Variants in KIF6 observed in about 807,000 individuals in gnomAD.
KIF6 encodes kinesin-like protein KIF6.
KIF6 carries 106 observed loss-of-function variants against 112.7 expected under a neutral mutation model. That is an observed-to-expected ratio of 0.94 (90% CI 0.80 to 1.11). The LOEUF (loss-of-function observed/expected upper bound fraction) is 1.11, where lower values mean the gene tolerates loss of function less well. Ranked by LOEUF, KIF6 falls within the 50% of genes least tolerant of loss-of-function variation. The pLI is 0.00. For missense variants in KIF6, 929 were observed against 964.0 expected, an observed-to-expected ratio of 0.96 and a Z score of 0.48; for synonymous variants, 339 against 339.9, an observed-to-expected ratio of 1.00 and a Z score of 0.03.
chr6:39,420,027 TGTA>T, intron 14 of KIF6, 24 bp from the exon 15 acceptor site: 1 of 1,576,078 alleles, frequency 6.3e-7, no homozygotes, highest in East Asian at 2.2e-5. Context: ...AAATGAAAAT[TGTA>T]GTTTTTCTGT....
Position 39,343,542 on chromosome 6 carries a change from C to G in KIF6, c.2428+167G>C. The stretch of plus-strand genomic sequence containing the variant: ...TTCTGATGCTGCCCCTTGAGGCTTT[C>G]TCGAGAAGGAATCAGAGGCTGGGCA... On this transcript the variant is annotated intron_variant, in intron 22 of 22. Transcript: ENST00000287152. The surrounding 1 kb of genome is among the most constrained non-coding windows in gnomAD (Gnocchi z 4.1). 7.2e-7 allele frequency: 1 copy of G among 1,385,278 alleles called. No individual in the cohort carries two copies. Among genetic ancestry groups the G allele is most frequent in the Non-Finnish European group, 9.7e-7 (1 of 1,026,236 alleles). The allele number at this position is 1,385,278 out of a possible 1,614,324, so 85.8% of individuals were successfully genotyped here.
At chr6:39,677,526 T>C in intron 3 of KIF6, among the ~76,000 whole-genome samples, 1 of 151,182 alleles carries the variant, frequency 6.6e-6, no homozygotes, top group Non-Finnish European at 1.5e-5. Flanking sequence ...TTTATTTATT[T>C]ATTTATTTAT....
At chr6:39,512,312 G>T (rs1776830253) in intron 13 of KIF6, among the ~76,000 whole-genome samples, 1 of 152,094 alleles carries the variant, frequency 6.6e-6, no homozygotes, top group Non-Finnish European at 1.5e-5. Context: ...TGTTTTAATT[G>T]CTGTCCTTTG....
At chr6:39,385,497 C>T in intron 16 of KIF6, 125 bp downstream of exon 16, 1 of 766,626 alleles carries the variant, frequency 1.3e-6, no homozygotes, top group South Asian at 1.6e-5. Context: ...TGGATAGCAA[C>T]CCTTGCCATC....
Position 39,720,793 on chromosome 6 carries a change from C to T in KIF6, c.85G>A (p.Asp29Asn). The change falls in exon 2 of 23, where the codon GAT becomes AAT. Residue 29 changes from aspartate (D) to asparagine (N), a missense_variant. Transcript: ENST00000287152. The stretch of plus-strand genomic sequence containing the variant: ...TCCAAGCTAGGTATTAATTTTTCAT[C>T]TTCATCTATGGAATAAATCTGCAAA... Reference protein sequence around the residue: ...HQQGIYSIDEDEKLIPSLEII... With the variant: ...HQQGIYSIDENEKLIPSLEII... 6.3e-7 allele frequency: 1 copy of T among 1,575,914 alleles called. No individual in the cohort carries two copies. Among genetic ancestry groups the T allele is most frequent in the Non-Finnish European group, 8.7e-7 (1 of 1,145,364 alleles).
intron 6 of KIF6, among the ~76,000 whole-genome samples, chr6:39,608,595 A>T (rs1428434522): frequency 6.6e-6 from 1 of 152,232 alleles, no homozygotes; most frequent in Non-Finnish European, 1.5e-5. Flanking sequence ...GCAAAGAATT[A>T]GGTATAAAGA....
intron 13 of KIF6, among the ~76,000 whole-genome samples, chr6:39,439,720 A>G (rs1771793832): frequency 1.3e-5 from 2 of 152,058 alleles, no homozygotes; most frequent in South Asian, 4.2e-4. Flanking sequence ...TCAACCTGAA[A>G]TTCAGTTCCT....
chr6:39,651,924 C>T (rs1785492107), intron 3 of KIF6, among the ~76,000 whole-genome samples: 2 of 152,028 alleles, frequency 1.3e-5, no homozygotes, highest in South Asian at 4.2e-4. Context: ...GAAAAAGGAA[C>T]AGAAAAGACT....
chr6:39,705,678 A>G (rs964669027), intron 3 of KIF6, among the ~76,000 whole-genome samples: 2 of 152,230 alleles, frequency 1.3e-5, no homozygotes, highest in Non-Finnish European at 2.9e-5. Flanking sequence ...ACACCCCAGA[A>G]GCAGCCTTCA....
intron 13 of KIF6, among the ~76,000 whole-genome samples, chr6:39,460,362 C>T (rs9471111): frequency 0.3 from 23,763 of 80,076 alleles, 4,221 homozygotes; most frequent in African/African-American, 0.56. Flanking sequence ...TATCACACTC[C>T]GGGGACTGTG....
At chr6:39,513,141 GC>G (rs1157805470) in intron 13 of KIF6, among the ~76,000 whole-genome samples, 43 of 152,244 alleles carry the variant, frequency 2.8e-4, no homozygotes, top group African/African-American at 1.0e-3. Context: ...CTGGCCTTCT[GC>G]TAGTGTTCCC....
chr6:39,658,295 G>A, intron 3 of KIF6, among the ~76,000 whole-genome samples: 1 of 152,138 alleles, frequency 6.6e-6, no homozygotes, highest in Non-Finnish European at 1.5e-5. Context: ...AGTTGGAACT[G>A]AGCCTATTTC....
At chr6:39,576,977 A>G (rs1357517890) in intron 10 of KIF6, among the ~76,000 whole-genome samples, 1 of 152,248 alleles carries the variant, frequency 6.6e-6, no homozygotes, top group Non-Finnish European at 1.5e-5. Flanking sequence ...CACCATAGTG[A>G]AGATAGTTTG....
intron 13 of KIF6, among the ~76,000 whole-genome samples, chr6:39,495,601 G>C (rs1426136439): frequency 6.6e-6 from 1 of 152,176 alleles, no homozygotes; most frequent in Non-Finnish European, 1.5e-5. Flanking sequence ...AAAGAGGTGG[G>C]GTGGTGCTAT....
chr6:39,543,180 T>C (rs1561793552), intron 12 of KIF6, among the ~76,000 whole-genome samples: 1 of 152,128 alleles, frequency 6.6e-6, no homozygotes, highest in Non-Finnish European at 1.5e-5. Flanking sequence ...ATTAAGAAGT[T>C]GGTAGGAGTA....
chr6:39,581,161 CTTTTTTTTT>C (rs60321520), intron 9 of KIF6, among the ~76,000 whole-genome samples: 139 of 78,678 alleles, frequency 1.8e-3, no homozygotes, highest in Non-Finnish European at 3.0e-3. Context: ...GCTTTACTTT[CTTTTTTTTT>C]TTTTTTTTTT....
Position 39,393,264 on chromosome 6 carries a change from G to T in KIF6, c.1811-7592C>A, listed in dbSNP as rs539452802. 6.6e-5 allele frequency among the ~76,000 whole-genome samples: 10 copies of T among 152,340 alleles called. No homozygotes were observed. In the South Asian group the frequency reaches 2.1e-3, roughly 32 times the overall value. ...AAGAACTCAACTGAGGCAGCCAAGC[G>T]TGGAGGGTGAGTGCGTGGACTCTGG... On this transcript the variant is annotated intron_variant, in intron 15 of 22. Transcript: ENST00000287152.
intron 15 of KIF6, among the ~76,000 whole-genome samples, chr6:39,410,079 C>T (rs765869311): frequency 6.6e-6 from 1 of 152,192 alleles, no homozygotes; most frequent in Non-Finnish European, 1.5e-5. Flanking sequence ...TAGAGAGTGC[C>T]GAGAGGGCCT....
chr6:39,504,640 CT>C (rs1435344106), intron 13 of KIF6, among the ~76,000 whole-genome samples: 1 of 152,190 alleles, frequency 6.6e-6, no homozygotes, highest in Admixed American at 6.5e-5. Flanking sequence ...TGGTAAGCAA[CT>C]TCAGCAAAGT....
Sources: gnomAD v4.1 joint callset for allele counts (sites outside exome capture counted in the v4.1 genomes callset) on GRCh38, gnomAD v4.1.1 for gene constraint, Gnocchi (gnomAD v3.1) non-coding constraint, MANE v1.5 for transcripts, NCBI Gene and HGNC (gene_info 2026-07-23, HGNC 2026-07-21) for gene names.